Variants in PPP2R2B observed in about 807,000 individuals in gnomAD.
PPP2R2B encodes the protein protein phosphatase 2 regulatory subunit Bbeta.
Under a neutral mutation model 46.0 loss-of-function variants are expected in PPP2R2B, and 5 were observed. The ratio of observed to expected loss-of-function variants is 0.11; its 90% CI spans 0.06 to 0.23. PPP2R2B has a LOEUF of 0.23. Ranked by LOEUF, PPP2R2B falls within the 10% of genes least tolerant of loss-of-function variation. The pLI is 1.00. For missense variants in PPP2R2B, 367 were observed against 575.0 expected (o/e 0.64, Z 3.70); for synonymous variants, 215 against 206.7 (o/e 1.04, Z -0.34).
chr5:146,876,004 C>T (rs1761877853), intron 2 of PPP2R2B, among the ~76,000 whole-genome samples: 1 of 152,118 alleles, frequency 6.6e-6, no homozygotes, highest in Non-Finnish European at 1.5e-5. Context: ...GTTCTATTTT[C>T]CTTTTCTTTT....
At chr5:146,839,904 G>T (rs1316791513) in intron 2 of PPP2R2B, among the ~76,000 whole-genome samples, 3 of 152,132 alleles carry the variant, frequency 2.0e-5, no homozygotes, top group African/African-American at 4.8e-5. Flanking sequence ...ACTTCCTTAG[G>T]GTATGAGGAA....
chr5:146,600,369 C>A lies in PPP2R2B; in HGVS notation c.882G>T (p.Arg294Ser). 6.2e-7 allele frequency: 1 copy of A among 1,613,908 alleles called. No homozygotes were observed. ...TCAAGTAGTCCCTGGTCATGATATA[C>A]CTCCCACTGTGGCTGAACTTCACAT... ...ISDVKFSHSG[R>S]YIMTRDYLTV... The change falls in exon 8 of 10, where the codon AGG becomes AGT. Residue 294 changes from arginine to serine, a missense_variant. Physicochemically the swap from Arg to Ser is moderately radical, Grantham distance 110 (BLOSUM62 -1). This residue lies in a region of PPP2R2B where 361 missense variants were observed against 545.5 expected (regional missense o/e 0.66). Coordinates refer to ENST00000394411, the MANE Select transcript of PPP2R2B (RefSeq NM_181675.4).
At chr5:146,810,983 T>C (rs1368129390) in intron 2 of PPP2R2B, among the ~76,000 whole-genome samples, 1 of 151,512 alleles carries the variant, frequency 6.6e-6, no homozygotes, top group East Asian at 1.9e-4. Flanking sequence ...GTTTGGTTTT[T>C]TGTCCTTGTG....
chr5:146,792,468 C>A (rs1756260363), intron 2 of PPP2R2B, among the ~76,000 whole-genome samples: 1 of 152,062 alleles, frequency 6.6e-6, no homozygotes, highest in Non-Finnish European at 1.5e-5. Context: ...ACAAAACAAA[C>A]AAGTGTCCTT....
chr5:146,790,567 G>A (rs748337918), intron 2 of PPP2R2B, among the ~76,000 whole-genome samples: 1 of 152,070 alleles, frequency 6.6e-6, no homozygotes, highest in Non-Finnish European at 1.5e-5. Context: ...GCACAAAGGG[G>A]GATGAGCATA....
At chr5:146,754,526 C>T (rs1351146166) in intron 2 of PPP2R2B, among the ~76,000 whole-genome samples, 1 of 152,132 alleles carries the variant, frequency 6.6e-6, no homozygotes, top group East Asian at 1.9e-4. Flanking sequence ...ATACTCTTTC[C>T]CTTATGAGAT....
chr5:147,055,663 A>G lies in PPP2R2B; in HGVS notation c.79+2T>C, dbSNP rs767162105. On this transcript the variant is annotated splice_donor_variant, in intron 1 of 8. Transcript: ENST00000336640. LOFTEE classifies it high-confidence loss of function. ...CAGACACTCTCCCTCTCTGGTCTGT[A>G]CCTTCTGTGTGGCAGCTGGAAGAAA... The G allele has an allele frequency of 1.9e-6, 3 of 1,606,272 alleles. No homozygotes were observed. The highest frequency in any genetic ancestry group is 2.6e-6 in the Non-Finnish European group (3 of 1,173,208).
At chr5:146,954,875 A>G (rs1751812424) in intron 1 of PPP2R2B, among the ~76,000 whole-genome samples, 1 of 151,958 alleles carries the variant, frequency 6.6e-6, no homozygotes, top group South Asian at 2.1e-4. Flanking sequence ...CTAATCAGTA[A>G]AATAAACCAG....
intron 1 of PPP2R2B, among the ~76,000 whole-genome samples, chr5:147,011,529 A>T (rs1005039078): frequency 1.3e-5 from 2 of 152,182 alleles, no homozygotes; most frequent in African/African-American, 4.8e-5. Flanking sequence ...AAACAAAATG[A>T]CAATTTGAGT....
At chr5:146,861,047 ATTTTTTCTTTTTTTTTTT>A (rs1471946762) in intron 2 of PPP2R2B, among the ~76,000 whole-genome samples, 5 of 132,174 alleles carry the variant, frequency 3.8e-5, no homozygotes, top group African/African-American at 1.5e-4. Flanking sequence ...TTCAAACTGA[ATTTTTTCTTTTTTTTTTT>A]TTTTTTTTTG....
At chr5:146,882,748 T>A (rs901048727), upstream of PPP2R2B, among the ~76,000 whole-genome samples, 3 of 152,258 alleles carry the variant, frequency 2.0e-5, no homozygotes, top group African/African-American at 7.2e-5. Flanking sequence ...GTCTCTGATG[T>A]CATGGAACTT....
chr5:146,975,697 T>C (rs1231990853), intron 1 of PPP2R2B, among the ~76,000 whole-genome samples: 2 of 152,208 alleles, frequency 1.3e-5, no homozygotes, highest in Non-Finnish European at 2.9e-5. Flanking sequence ...GGGTGTGAGG[T>C]AATACTGTGA....
chr5:146,851,261 C>T (rs1760331210), intron 2 of PPP2R2B, among the ~76,000 whole-genome samples: 3 of 151,978 alleles, frequency 2.0e-5, no homozygotes, highest in Admixed American at 2.0e-4. Context: ...CATCATTGGC[C>T]TTGGATTTCA....
At chr5:146,817,569 T>A (rs1187875397) in intron 2 of PPP2R2B, among the ~76,000 whole-genome samples, 4 of 152,218 alleles carry the variant, frequency 2.6e-5, no homozygotes, top group African/African-American at 4.8e-5. Context: ...TTAATGTAGA[T>A]CCTGGAACAG....
intron 5 of PPP2R2B, among the ~76,000 whole-genome samples, chr5:146,658,193 G>A (rs1776458559): frequency 6.6e-6 from 1 of 152,152 alleles, no homozygotes; most frequent in African/African-American, 2.4e-5. Context: ...TAGGTATACG[G>A]AAACCCTGAC....
intron 1 of PPP2R2B, among the ~76,000 whole-genome samples, chr5:146,970,976 C>T (rs1465783086): frequency 6.6e-6 from 1 of 152,124 alleles, no homozygotes; most frequent in Admixed American, 6.5e-5. Flanking sequence ...TTGATCTATG[C>T]ATAGAAAAAC....
intron 7 of PPP2R2B, among the ~76,000 whole-genome samples, chr5:146,625,902 G>A (rs1774023360): frequency 6.6e-6 from 1 of 152,186 alleles, no homozygotes; most frequent in Non-Finnish European, 1.5e-5. Flanking sequence ...ACAGAGAGAT[G>A]TGATATGAGA....
At position 147,028,179 on chromosome 5, in the gene PPP2R2B, C is replaced by T. The variant is rs950296199; in HGVS notation, c.79+27486G>A. 2.6e-5 allele frequency among the ~76,000 whole-genome samples: 4 copies of T among 152,258 alleles called. No homozygotes were observed. The East Asian group carries it at 7.7e-4, about 29-fold the overall frequency. On this transcript the variant is annotated intron_variant, in intron 1 of 8. Transcript: ENST00000336640. ...GTTGGCTTTACCTCTTAACAGAAGACCTTGGCTCCTCTAGAAACAAAGAAC... is the reference window on the plus strand; with the variant it reads ...GTTGGCTTTACCTCTTAACAGAAGATCTTGGCTCCTCTAGAAACAAAGAAC...
intron 2 of PPP2R2B, among the ~76,000 whole-genome samples, chr5:146,828,748 T>C (rs1332018716): frequency 6.6e-6 from 1 of 152,212 alleles, no homozygotes; most frequent in African/African-American, 2.4e-5. Context: ...AGAATTTTTT[T>C]CCCCCTCTTT....
Sources: gnomAD v4.1 joint callset for allele counts (sites outside exome capture counted in the v4.1 genomes callset) on GRCh38, gnomAD v4.1.1 for gene constraint, gnomAD v4.1.1 regional missense constraint, MANE v1.5 for transcripts, NCBI Gene and HGNC (gene_info 2026-07-23, HGNC 2026-07-21) for gene names.